COL24A1: variants seen among roughly 807,000 people sequenced by gnomAD.
The protein encoded by COL24A1 is collagen alpha-1(XXIV) chain.
Under a neutral mutation model 253.9 loss-of-function variants are expected in COL24A1, and 224 were observed. The observed-to-expected ratio is 0.88, with a 90% confidence interval of 0.79 to 0.99. The LOEUF is 0.99. Among genes scored for constraint, COL24A1 ranks in the 50% least tolerant of loss-of-function variants. The probability of loss-of-function intolerance (pLI) is 0.00; values close to 1 mark genes in which losing one functional copy is unlikely to be tolerated. For missense variants in COL24A1, 2,131 were observed against 2,068.5 expected, an observed-to-expected ratio of 1.03 and a Z score of -0.59; for synonymous variants, 685 against 673.7, an observed-to-expected ratio of 1.02 and a Z score of -0.26.
chr1:86,031,821 A>C, intron 14 of COL24A1, 57 bp downstream of exon 14: 1 of 1,416,704 alleles, frequency 7.1e-7, no homozygotes, highest in Non-Finnish European at 9.8e-7. Context: ...CATCTAACAC[A>C]TATAAATTGC....
chr1:86,099,587 C>T (rs1452993045), intron 5 of COL24A1, among the ~76,000 whole-genome samples: 1 of 152,204 alleles, frequency 6.6e-6, no homozygotes, highest in Admixed American at 6.5e-5. Flanking sequence ...TGTTCAACTG[C>T]TCAAGCCTTA....
intron 9 of COL24A1, 138 bp from the exon 10 acceptor site, chr1:86,058,113 T>A: frequency 1.8e-6 from 1 of 548,150 alleles, no homozygotes; most frequent in Admixed American, 3.7e-5. Flanking sequence ...TAATGAAGAT[T>A]ACCAATGTTC....
chr1:85,875,280 T>C lies in COL24A1; in HGVS notation c.3081A>G (p.Ala1027=). The change falls in exon 34 of 60, where the codon GCA becomes GCG. Residue 1027 remains alanine (A), a synonymous_variant. Coordinates refer to ENST00000370571, the MANE Select transcript of COL24A1 (RefSeq NM_152890.7). ...CCTTTATTTTTTAGAAGGTTACCTT[T>C]GCACCTGGTTCACCTTGCAGACCAG... ...GESGLQGEPG[A]KGDVGTAGSV... 2 of 1,613,608 alleles carry C rather than the reference T, an allele frequency of 1.2e-6. No individual in the cohort carries two copies. Among genetic ancestry groups the C allele is most frequent in the Non-Finnish European group, 8.5e-7 (1 of 1,179,602 alleles).
intron 55 of COL24A1, among the ~76,000 whole-genome samples, chr1:85,745,713 A>T (rs1665141230): frequency 6.6e-6 from 1 of 152,150 alleles, no homozygotes; most frequent in Non-Finnish European, 1.5e-5. Flanking sequence ...CAAATCTCAA[A>T]CGTCTCCTAA....
chr1:86,017,259 A>G, intron 18 of COL24A1, 55 bp from the exon 19 acceptor site: 1 of 1,427,142 alleles, frequency 7.0e-7, no homozygotes, highest in Non-Finnish European at 9.4e-7. Flanking sequence ...AACACAATTA[A>G]AAGAAGAAAC....
intron 24 of COL24A1, among the ~76,000 whole-genome samples, chr1:85,932,820 A>G (rs1254260763): frequency 1.5e-5 from 1 of 68,584 alleles, no homozygotes; most frequent in African/African-American, 6.0e-5. Flanking sequence ...CATCATTCTC[A>G]GTAAACTATC....
intron 19 of COL24A1, among the ~76,000 whole-genome samples, chr1:86,009,967 A>G (rs1696343943): frequency 6.7e-6 from 1 of 149,088 alleles, no homozygotes; most frequent in Non-Finnish European, 1.5e-5. Context: ...ACTGAAGCAA[A>G]GACAGATTGT....
chr1:85,963,732 T>C lies in COL24A1; in HGVS notation c.2517+1277A>G, dbSNP rs180852183. ...TACAAAATTTCCTGTGTTTACTAGG[T>C]AACACAGAAGCCACCTAGATTTTGG... On this transcript the variant is annotated intron_variant, in intron 23 of 59. Transcript: ENST00000370571. Among the ~76,000 whole-genome samples the C allele has an allele frequency of 1.1e-3, 168 of 152,250 alleles. 1 individual carries two copies. The highest frequency in any genetic ancestry group is 3.8e-3 in the African/African-American group (156 of 41,554).
intron 38 of COL24A1, among the ~76,000 whole-genome samples, chr1:85,848,781 C>T (rs1677424251): frequency 6.6e-6 from 1 of 152,158 alleles, no homozygotes; most frequent in African/African-American, 2.4e-5. Flanking sequence ...TTCATAACAG[C>T]TAAGAGGCTT....
At chr1:86,109,145 A>G (rs1168027140) in intron 5 of COL24A1, among the ~76,000 whole-genome samples, 1 of 152,188 alleles carries the variant, frequency 6.6e-6, no homozygotes, top group East Asian at 1.9e-4. Flanking sequence ...AACTAATTAT[A>G]AAGTCCCCAA....
At chr1:86,039,554 T>C (rs1410373346) in intron 12 of COL24A1, among the ~76,000 whole-genome samples, 2 of 152,184 alleles carry the variant, frequency 1.3e-5, no homozygotes, top group Non-Finnish European at 2.9e-5. Context: ...ATTTTGTTCT[T>C]TCTAGAGGAA....
rs1187291056 is a variant in COL24A1 at position 85,842,077 on chromosome 1, T to C, written c.3561A>G (p.Lys1187=). Residue 1187 remains lysine (K), a synonymous_variant, in exon 41 of 60, where the codon AAA becomes AAG. Coordinates refer to ENST00000370571, the MANE Select transcript of COL24A1 (RefSeq NM_152890.7). ...QPGPSGLPGP[K]GEKGYPGEDS... is the part of the protein sequence containing the mutation. ...CAATATATACACAAACCTTTTCTCCTTTAGGTCCTGGCAATCCAGAGGGTC... is the reference window on the plus strand; with the variant it reads ...CAATATATACACAAACCTTTTCTCCCTTAGGTCCTGGCAATCCAGAGGGTC... 2.5e-6 allele frequency: 4 copies of C among 1,613,690 alleles called. No individual in the cohort carries two copies. The South Asian group carries it at 3.3e-5, about 13-fold the overall frequency.
In COL24A1 at chr1:86,046,875, A is replaced by G. The variant is rs1340699959; in HGVS notation, c.1906-6T>C. 1 of 1,454,898 alleles carries G rather than the reference A, an allele frequency of 6.9e-7. No individual in the cohort carries two copies. Among genetic ancestry groups the G allele is most frequent in the East Asian group, 2.3e-5 (1 of 43,932 alleles). 90.1% of individuals were successfully genotyped at this position (1,454,898 alleles called of 1,614,324 possible). A position where few individuals can be genotyped will look rare whatever the true frequency, so the allele number is the denominator to read the frequency against. ...CCACGGATCCCAGGAATGCCCTAGA[A>G]TATAGAAAAGAAAAAGGAAATATTT... On this transcript the variant is annotated splice_polypyrimidine_tract_variant and splice_region_variant and intron_variant, in intron 11 of 59. Transcript: ENST00000370571.
In COL24A1 at chr1:86,031,914, T is replaced by C. The variant is rs1293059740; in HGVS notation, c.2013A>G (p.Val671=). 8.1e-6 allele frequency: 13 copies of C among 1,608,440 alleles called. No individual in the cohort carries two copies. The highest frequency in any genetic ancestry group is 1.1e-5 in the Non-Finnish European group (13 of 1,177,092). The change falls in exon 14 of 60, where the codon GTA becomes GTG. Residue 671 remains valine (V), a synonymous_variant. Coordinates refer to ENST00000370571, the MANE Select transcript of COL24A1 (RefSeq NM_152890.7). The stretch of plus-strand genomic sequence containing the variant: ...GAAACCCCGGAGGACCAGTGCCACC[T>C]ACAAGTCCCTATTGTAAAAGAAATT... ...PAGLDGSPGL[V]GGTGPPGFPG...
intron 37 of COL24A1, among the ~76,000 whole-genome samples, chr1:85,854,717 T>G (rs1391073487): frequency 3.3e-5 from 5 of 151,918 alleles, no homozygotes; most frequent in East Asian, 3.9e-4. Flanking sequence ...TTTTGTTTTT[T>G]TTTTTTGAGA....
At chr1:85,849,999 A>T (rs991724393) in intron 37 of COL24A1, among the ~76,000 whole-genome samples, 1 of 152,198 alleles carries the variant, frequency 6.6e-6, no homozygotes, top group African/African-American at 2.4e-5. Flanking sequence ...AGTTAAAGAG[A>T]TATTCGTTGA....
Position 86,113,128 on chromosome 1 carries a change from A to G in COL24A1, c.1546-508T>C, listed in dbSNP as rs72943873. Among the ~76,000 whole-genome samples, 420 of 152,364 alleles carry G rather than the reference A, an allele frequency of 2.8e-3. 2 individuals are homozygous for G. The highest frequency in any genetic ancestry group is 9.6e-3 in the African/African-American group (399 of 41,590). On this transcript the variant is annotated intron_variant, in intron 4 of 59. Coordinates refer to ENST00000370571, the MANE Select transcript of COL24A1 (RefSeq NM_152890.7). ...TTTGATTTTGCATCACTGATAAATT[A>G]TATAATCTGAATTCAAAAATTGATT...
rs114239773 is a variant in COL24A1, at chr1:85,787,866, T to A, written c.3952-1405A>T. 5.0e-3 allele frequency among the ~76,000 whole-genome samples: 766 copies of A among 152,322 alleles called. 5 individuals carry two copies. Among genetic ancestry groups the A allele is most frequent in the African/African-American group, 0.018 (736 of 41,570 alleles). On this transcript the variant is annotated intron_variant, in intron 47 of 59. Coordinates refer to ENST00000370571, the MANE Select transcript of COL24A1 (RefSeq NM_152890.7). ...CCCATCAACAGTGTAAAAGTGTTCC[T>A]ATTTCTCTGCAGCCCTGCAAGTATC...
rs56146912 is a variant in COL24A1, at chr1:85,994,411, G to GAA, written c.2311-6759_2311-6758dup. On this transcript the variant is annotated intron_variant, in intron 19 of 59. Transcript: ENST00000370571. ...AATTAGGCAGTTTCAAAGTTATCCT[G>GAA]AAAAAAAAAAAAAAACTAGCCTAGC... is the stretch of plus-strand genomic sequence containing the variant. Among the ~76,000 whole-genome samples, 1,305 of 141,572 alleles carry GAA rather than the reference G, an allele frequency of 9.2e-3. 16 individuals carry two copies. Among genetic ancestry groups the GAA allele is most frequent in the South Asian group, 0.039 (176 of 4,546 alleles). 92.9% of individuals were successfully genotyped at this position (141,572 alleles called of 152,430 possible). A position where few individuals can be genotyped will look rare whatever the true frequency, so the allele number is the denominator to read the frequency against.
Sources: gnomAD v4.1 joint callset for allele counts (sites outside exome capture counted in the v4.1 genomes callset) on GRCh38, gnomAD v4.1.1 for gene constraint, MANE v1.5 for transcripts, NCBI Gene and HGNC (gene_info 2026-07-23, HGNC 2026-07-21) for gene names.